The following PSMB2 variants were observed in gnomAD, a reference collection of about 807,000 sequenced individuals.
The protein encoded by PSMB2 is proteasome subunit beta type-2.
PSMB2 carries 13 observed loss-of-function variants against 25.7 expected under a neutral mutation model. That is an observed-to-expected ratio of 0.51 (90% CI 0.33 to 0.80). The LOEUF (loss-of-function observed/expected upper bound fraction) is 0.80. Among genes scored for constraint, PSMB2 ranks in the 30% least tolerant of loss-of-function variants. PSMB2 has a pLI of 0.02. For missense variants in PSMB2, 202 were observed against 259.0 expected (o/e 0.78, Z 1.51); for synonymous variants, 87 against 96.2 (o/e 0.90, Z 0.56).
chr1:35,640,762 G>A lies in PSMB2; in HGVS notation c.91+580C>T, dbSNP rs149256752. On this transcript the variant is annotated intron_variant, in intron 1 of 5. Coordinates refer to ENST00000373237, the MANE Select transcript of PSMB2 (RefSeq NM_002794.5). ...CACCAGGAAACTTATCAGAGATTCG[G>A]GGATCTAGAGAGCCAGGCTCTGGGC... Among the ~76,000 whole-genome samples, 507 of 150,780 alleles carry A rather than the reference G, an allele frequency of 3.4e-3. 3 individuals carry two copies. The highest frequency in any genetic ancestry group is 0.012 in the African/African-American group (489 of 40,114).
intron 3 of PSMB2, among the ~76,000 whole-genome samples, chr1:35,628,591 AAAAAAATATATATATAT>A (rs1425754253): frequency 0.018 from 395 of 21,994 alleles, 1 homozygote; most frequent in Non-Finnish European, 0.023. Context: ...AAAAAAAAAA[AAAAAAATATATATATAT>A]ATATATATAT....
intron 3 of PSMB2, among the ~76,000 whole-genome samples, chr1:35,626,096 C>T (rs1650851955): frequency 6.6e-6 from 1 of 152,118 alleles, no homozygotes; most frequent in Admixed American, 6.5e-5. Flanking sequence ...TCTTGGCCTC[C>T]CAAAGTGCTA....
Position 35,641,352 on chromosome 1 carries a change from C to G in PSMB2, c.81G>C (p.Gln27His). 1 of 1,614,150 alleles carries G rather than the reference C, an allele frequency of 6.2e-7. No homozygotes were observed. The highest frequency in any genetic ancestry group is 8.5e-7 in the Non-Finnish European group (1 of 1,180,016). The change falls in exon 1 of 6, where the codon CAG becomes CAC. Residue 27 changes from glutamine to histidine, a missense_variant. Coordinates refer to ENST00000373237, the MANE Select transcript of PSMB2 (RefSeq NM_002794.5). ...SDRVAASNIV[Q>H]MKDDHDKMFK... ...CCTGCTTCCTCTCACCGTCCTTCATCTGGACAATATTGCTGGCGGCCACCC... is the reference window on the plus strand; with the variant it reads ...CCTGCTTCCTCTCACCGTCCTTCATGTGGACAATATTGCTGGCGGCCACCC...
rs61014303 is a variant in PSMB2 at position 35,609,174 on chromosome 1, A to G, written c.448+72T>C. On this transcript the variant is annotated intron_variant, in intron 4 of 5. Coordinates refer to ENST00000373237, the MANE Select transcript of PSMB2 (RefSeq NM_002794.5). ...CAAGCCCTGGCCACCCAACTCCAAGAGTGGACAAACCTGGGAAGCAGCTGA... is the reference window on the plus strand; with the variant it reads ...CAAGCCCTGGCCACCCAACTCCAAGGGTGGACAAACCTGGGAAGCAGCTGA... 14,556 of 1,356,408 alleles carry G rather than the reference A, an allele frequency of 0.011. 688 individuals are homozygous for G. In the African/African-American group the frequency reaches 0.12, roughly 11 times the overall value. 84.0% of individuals were successfully genotyped at this position (1,356,408 alleles called of 1,614,324 possible). A position where few individuals can be genotyped will look rare whatever the true frequency, so the allele number is the denominator to read the frequency against.
At chr1:35,621,435 C>T (rs1370976302) in intron 3 of PSMB2, among the ~76,000 whole-genome samples, 1 of 152,190 alleles carries the variant, frequency 6.6e-6, no homozygotes, top group African/African-American at 2.4e-5. Context: ...AGGTATGGAA[C>T]ATCCTGGCTG....
chr1:35,603,875 T>C (rs1650080675), intron 5 of PSMB2, among the ~76,000 whole-genome samples: 1 of 151,390 alleles, frequency 6.6e-6, no homozygotes, highest in Non-Finnish European at 1.5e-5. Context: ...CCCCATCTCT[T>C]AAAAATAAAA....
chr1:35,615,098 T>C (rs1650455166), intron 3 of PSMB2, among the ~76,000 whole-genome samples: 1 of 152,230 alleles, frequency 6.6e-6, no homozygotes, highest in African/African-American at 2.4e-5. Context: ...ACCACAACAC[T>C]ACCACCACCA....
At chr1:35,626,808 T>C (rs1227353695) in intron 3 of PSMB2, among the ~76,000 whole-genome samples, 1 of 152,232 alleles carries the variant, frequency 6.6e-6, no homozygotes, top group Non-Finnish European at 1.5e-5. Context: ...AGAGAACTTC[T>C]ATGATGATGG....
At chr1:35,611,131 C>T (rs865890243) in intron 3 of PSMB2, among the ~76,000 whole-genome samples, 20 of 152,132 alleles carry the variant, frequency 1.3e-4, no homozygotes, top group Non-Finnish European at 2.4e-4. Flanking sequence ...TTTGCTTCAG[C>T]GGGTAGTAAG....
At position 35,641,460 on chromosome 1, in the gene PSMB2, C is replaced by G. The variant is rs753158117; in HGVS notation, c.-28G>C. The G allele has an allele frequency of 1.4e-5, 23 of 1,613,862 alleles. No individual in the cohort carries two copies. Among genetic ancestry groups the G allele is most frequent in the Admixed American group, 1.2e-4 (7 of 60,012 alleles). On this transcript the variant is annotated 5_prime_UTR_variant, in exon 1 of 6. Coordinates refer to ENST00000373237, the MANE Select transcript of PSMB2 (RefSeq NM_002794.5). ...TGGCGGAAGGCCAGGGGCTGCAGGTCCGACACAGCACGAGACTCGCCCGCT... is the reference window on the plus strand; with the variant it reads ...TGGCGGAAGGCCAGGGGCTGCAGGTGCGACACAGCACGAGACTCGCCCGCT...
chr1:35,628,578 G>GAA (rs67766222), intron 3 of PSMB2, among the ~76,000 whole-genome samples: 9 of 32,958 alleles, frequency 2.7e-4, no homozygotes, highest in Non-Finnish European at 3.1e-4. Context: ...TTTCTTGGAA[G>GAA]AAAAAAAAAA....
At position 35,631,255 on chromosome 1, in the gene PSMB2, T is replaced by C. The variant is rs774933749; in HGVS notation, c.285+19A>G. The C allele has an allele frequency of 7.5e-6, 12 of 1,605,590 alleles. No homozygotes were observed. The highest frequency in any genetic ancestry group is 2.2e-5 in the East Asian group (1 of 44,872). ...AGGATTTTTCTGCTCTATCTAACAA[T>C]GTCTGATATATTACTTACCCGACTC... On this transcript the variant is annotated intron_variant, in intron 3 of 5. Coordinates refer to ENST00000373237, the MANE Select transcript of PSMB2 (RefSeq NM_002794.5).
chr1:35,612,802 T>C (rs1650380007), intron 3 of PSMB2, among the ~76,000 whole-genome samples: 1 of 152,258 alleles, frequency 6.6e-6, no homozygotes, highest in Admixed American at 6.5e-5. Flanking sequence ...TGCAATGGTA[T>C]ATTAAGTATT....
At chr1:35,639,127 G>A (rs967166259) in intron 1 of PSMB2, among the ~76,000 whole-genome samples, 1 of 152,092 alleles carries the variant, frequency 6.6e-6, no homozygotes, top group Non-Finnish European at 1.5e-5. Flanking sequence ...GGTGACGGGC[G>A]CCTGTAATCC....
chr1:35,612,697 A>T (rs932232457), intron 3 of PSMB2, among the ~76,000 whole-genome samples: 1 of 152,218 alleles, frequency 6.6e-6, no homozygotes, highest in Non-Finnish European at 1.5e-5. Flanking sequence ...TCACAAAGTA[A>T]GTTAAATCTT....
In PSMB2 at chr1:35,602,940, G is replaced by C. The variant is rs1402939264; in HGVS notation, c.*327C>G. 1 of 1,039,068 alleles carries C rather than the reference G, an allele frequency of 9.6e-7. No homozygotes were observed. Among genetic ancestry groups the C allele is most frequent in the Non-Finnish European group, 1.2e-6 (1 of 862,732 alleles). 64.4% of individuals were successfully genotyped at this position (1,039,068 alleles called of 1,614,324 possible). On this transcript the variant is annotated 3_prime_UTR_variant, in exon 6 of 6. Transcript: ENST00000373237. ...TACTTTAGAGAGAATGGAGATACTA[G>C]CAAGTAAAATATATGAAAGAGCTAG...
intron 3 of PSMB2, among the ~76,000 whole-genome samples, chr1:35,628,614 TATATATATATATATA>T (rs1650975568): frequency 2.0e-5 from 1 of 50,812 alleles, no homozygotes; most frequent in Non-Finnish European, 3.4e-5. Context: ...TATATATATA[TATATATATATATATA>T]TATTTTTTTT....
chr1:35,639,335 A>G (rs1403242945), intron 1 of PSMB2, among the ~76,000 whole-genome samples: 1 of 152,186 alleles, frequency 6.6e-6, no homozygotes, highest in African/African-American at 2.4e-5. Flanking sequence ...ACCAGAAAAG[A>G]CTATAGGGAA....
In PSMB2 at chr1:35,631,337, T is replaced by C; in HGVS notation, c.222A>G (p.Glu74=). 3 of 1,614,104 alleles carry C rather than the reference T, an allele frequency of 1.9e-6. No individual in the cohort carries two copies. The highest frequency in any genetic ancestry group is 2.5e-6 in the Non-Finnish European group (3 of 1,179,972). The change falls in exon 3 of 6, where the codon GAA becomes GAG. Residue 74 remains glutamate (E), a synonymous_variant. Transcript: ENST00000373237. ...AGTTAGCTGCTGCCGTGGGAGACAA[T>C]TCATATCCTGGTAGAAGAGATAAAG... ...VQLYKMRNGY[E]LSPTAAANFT... is the part of the protein sequence containing the mutation.
Sources: allele counts gnomAD v4.1 joint callset (sites outside exome capture counted in the v4.1 genomes callset), GRCh38; gene constraint gnomAD v4.1.1; transcripts MANE v1.5; gene names NCBI Gene and HGNC (gene_info 2026-07-23, HGNC 2026-07-21).